Variants in DENND1A observed in about 807,000 individuals in gnomAD.
DENND1A encodes DENN domain containing 1A, also known as DENN domain-containing protein 1A.
In DENND1A, 51 loss-of-function variants were observed where a neutral mutation model predicts 113.7. The ratio of observed to expected loss-of-function variants is 0.45; its 90% CI spans 0.36 to 0.57. DENND1A has a LOEUF of 0.57. DENND1A is among the 20% of genes least tolerant of loss of function. The probability of loss-of-function intolerance (pLI) is 0.00; values close to 1 mark genes in which losing one functional copy is unlikely to be tolerated. For missense variants in DENND1A, 1,258 were observed against 1,395.9 expected (o/e 0.90, Z 1.57); for synonymous variants, 565 against 570.8 (o/e 0.99, Z 0.14).
chr9:123,781,895 C>T (rs1831373486), intron 3 of DENND1A, among the ~76,000 whole-genome samples: 1 of 152,034 alleles, frequency 6.6e-6, no homozygotes, highest in African/African-American at 2.4e-5. Context: ...CATGGCAAAA[C>T]CCTGTCTCTA....
chr9:123,926,006 T>C (rs1397959988), intron 1 of DENND1A, among the ~76,000 whole-genome samples: 3 of 152,140 alleles, frequency 2.0e-5, no homozygotes, highest in Non-Finnish European at 2.9e-5. Context: ...AACTGCCACA[T>C]AGTTTCCTGC....
intron 5 of DENND1A, among the ~76,000 whole-genome samples, chr9:123,705,107 C>G (rs755411071): frequency 7.9e-5 from 12 of 151,428 alleles, no homozygotes; most frequent in Non-Finnish European, 1.2e-4. Context: ...AGACAAAGCA[C>G]TGTGAAGACA....
chr9:123,811,050 C>A (rs559673408), intron 2 of DENND1A, among the ~76,000 whole-genome samples: 1 of 152,106 alleles, frequency 6.6e-6, no homozygotes, highest in African/African-American at 2.4e-5. Flanking sequence ...TGAGCCACCA[C>A]GCCCGGCCAA....
At chr9:123,407,103 C>CG (rs1245645527) in intron 20 of DENND1A, among the ~76,000 whole-genome samples, 1 of 126,538 alleles carries the variant, frequency 7.9e-6, no homozygotes, top group African/African-American at 3.1e-5. Context: ...TGGCAATCAG[C>CG]GGGATCGGTG....
chr9:123,869,714 G>A (rs1846245616), intron 2 of DENND1A, among the ~76,000 whole-genome samples: 1 of 152,132 alleles, frequency 6.6e-6, no homozygotes, highest in Non-Finnish European at 1.5e-5. Context: ...AAGAATCAGG[G>A]TCCAGGCCAG....
chr9:123,543,861 C>T (rs1230347307), intron 13 of DENND1A, among the ~76,000 whole-genome samples: 1 of 151,620 alleles, frequency 6.6e-6, no homozygotes, highest in Non-Finnish European at 1.5e-5. Context: ...TCCTTTCCTT[C>T]TCTGCCTCTC....
At chr9:123,535,194 C>T (rs561958312) in intron 13 of DENND1A, among the ~76,000 whole-genome samples, 2 of 152,316 alleles carry the variant, frequency 1.3e-5, no homozygotes, top group South Asian at 2.1e-4. Flanking sequence ...TCCCACACAA[C>T]AGCCAAAATA....
chr9:123,395,569 T>C (rs1466586432), intron 21 of DENND1A, among the ~76,000 whole-genome samples: 1 of 151,924 alleles, frequency 6.6e-6, no homozygotes, highest in African/African-American at 2.4e-5. Flanking sequence ...TCTGCTCATG[T>C]GTTTGGATAG....
At chr9:123,539,021 G>A (rs957341883) in intron 13 of DENND1A, among the ~76,000 whole-genome samples, 1 of 151,448 alleles carries the variant, frequency 6.6e-6, no homozygotes, top group Admixed American at 6.6e-5. Context: ...TTAAATGAGG[G>A]AAACTGTCTC....
intron 5 of DENND1A, among the ~76,000 whole-genome samples, chr9:123,695,477 T>C (rs1451820698): frequency 6.7e-6 from 1 of 150,362 alleles, no homozygotes; most frequent in East Asian, 1.9e-4. Flanking sequence ...TATGATGTCA[T>C]TGAGTTTTAT....
At chr9:123,610,376 G>A (rs1265612935) in intron 10 of DENND1A, among the ~76,000 whole-genome samples, 1 of 152,142 alleles carries the variant, frequency 6.6e-6, no homozygotes, top group Non-Finnish European at 1.5e-5. Flanking sequence ...TTACAGAGAA[G>A]GGACTAGGCC....
At chr9:123,823,845 G>A (rs1162583172) in intron 2 of DENND1A, among the ~76,000 whole-genome samples, 1 of 152,100 alleles carries the variant, frequency 6.6e-6, no homozygotes, top group Non-Finnish European at 1.5e-5. Context: ...GAGACGGAGG[G>A]AAAAGAGAAC....
In DENND1A at chr9:123,557,699, G is replaced by A. The variant is rs777275495; in HGVS notation, c.868-4C>T. 6.2e-6 allele frequency: 10 copies of A among 1,613,564 alleles called. No individual in the cohort carries two copies. Among genetic ancestry groups the A allele is most frequent in the Non-Finnish European group, 8.5e-6 (10 of 1,179,686 alleles). On this transcript the variant is annotated splice_region_variant and splice_polypyrimidine_tract_variant and intron_variant, in intron 12 of 23. Transcript: ENST00000394215. ...GCCTGTTCTTCAGGGAAGAGATCTG[G>A]TGATGGAGAGAAGGAAAACACAGGT... is the stretch of plus-strand genomic sequence containing the variant.
intron 13 of DENND1A, among the ~76,000 whole-genome samples, chr9:123,472,097 GCA>G (rs1228974505): frequency 7.9e-5 from 12 of 152,212 alleles, no homozygotes; most frequent in Admixed American, 7.9e-4. Context: ...GTACTTTGGA[GCA>G]CACAGCAGGT....
intron 2 of DENND1A, among the ~76,000 whole-genome samples, chr9:123,809,844 T>C (rs1418930568): frequency 2.0e-5 from 3 of 152,118 alleles, no homozygotes. Context: ...CTAATTTCTG[T>C]ATTTTTACTA....
intron 10 of DENND1A, among the ~76,000 whole-genome samples, chr9:123,626,760 C>T (rs2061237092): frequency 6.6e-6 from 1 of 152,140 alleles, no homozygotes; most frequent in African/African-American, 2.4e-5. Context: ...AAGGTTGAAT[C>T]TGAGGAATGG....
chr9:123,444,536 C>A (rs2047160892), intron 18 of DENND1A, among the ~76,000 whole-genome samples: 1 of 152,236 alleles, frequency 6.6e-6, no homozygotes, highest in Middle Eastern at 3.4e-3. Flanking sequence ...CGCCTGTAAT[C>A]CCAGCTATTT....
chr9:123,721,371 G>A (rs2067321567), intron 5 of DENND1A, among the ~76,000 whole-genome samples: 1 of 152,114 alleles, frequency 6.6e-6, no homozygotes. Flanking sequence ...CTTGGTCCTG[G>A]GCCTCTGCCC....
At chr9:123,465,706 T>C (rs2048890061) in intron 13 of DENND1A, among the ~76,000 whole-genome samples, 2 of 152,226 alleles carry the variant, frequency 1.3e-5, no homozygotes. Context: ...TGTTAAAATA[T>C]AGAAGTGCCG....
Sources: allele counts gnomAD v4.1 joint callset (sites outside exome capture counted in the v4.1 genomes callset), GRCh38; gene constraint gnomAD v4.1.1; transcripts MANE v1.5; gene names NCBI Gene and HGNC (gene_info 2026-07-23, HGNC 2026-07-21).